Variants in PNPLA7 observed in about 807,000 individuals in gnomAD.
PNPLA7 encodes the protein patatin-like phospholipase domain-containing protein 7.
Under a neutral mutation model 161.7 loss-of-function variants are expected in PNPLA7, and 153 were observed. That is an observed-to-expected ratio of 0.95 (90% CI 0.83 to 1.08). The LOEUF is 1.08. Ranked by LOEUF, PNPLA7 falls within the 50% of genes least tolerant of loss-of-function variation. The probability of loss-of-function intolerance (pLI) is 0.00; values close to 1 mark genes in which losing one functional copy is unlikely to be tolerated. For missense variants in PNPLA7, 1,739 were observed against 1,856.6 expected, an observed-to-expected ratio of 0.94 and a Z score of 1.16; for synonymous variants, 809 against 782.1, an observed-to-expected ratio of 1.03 and a Z score of -0.57.
chr9:137,496,025 C>A (rs1378171542), intron 18 of PNPLA7, among the ~76,000 whole-genome samples: 1 of 152,162 alleles, frequency 6.6e-6, no homozygotes, highest in African/African-American at 2.4e-5. Context: ...AAACACGGAG[C>A]AACACGGCAC....
At position 137,497,232 on chromosome 9, in the gene PNPLA7, C is replaced by T. The variant is rs774052737; in HGVS notation, c.1968G>A (p.Lys656=). The T allele has an allele frequency of 8.8e-6, 14 of 1,591,218 alleles. No homozygotes were observed. The South Asian group carries it at 1.4e-4, about 16-fold the overall frequency. The change falls in exon 18 of 35, where the codon AAG becomes AAA. Residue 656 remains lysine (K), a synonymous_variant. Coordinates refer to ENST00000406427, the MANE Select transcript of PNPLA7 (RefSeq NM_001098537.3). The part of the protein sequence containing the change: ...LRSVIRKDDG[K]KRLAGEYGRG... ...GGCCGTACTCCCCGGCCAGGCGCTT[C>T]TTCCCATCATCCTTCCGGATCACAG...
chr9:137,539,391 G>T (rs1443013490), intron 8 of PNPLA7, among the ~76,000 whole-genome samples: 4 of 152,114 alleles, frequency 2.6e-5, no homozygotes, highest in Admixed American at 2.0e-4. Context: ...CTAGTTAATG[G>T]CTTGGCATGA....
rs992094314 is a variant in PNPLA7 at position 137,490,155 on chromosome 9, G to A, written c.2197+2858C>T. ...GTTGACCAGGCTGGACTGCGGTGGC[G>A]CGATCATAGCTCACTGTAACCTCGA... On this transcript the variant is annotated intron_variant, in intron 20 of 34. Transcript: ENST00000406427. This position sits in a 1 kb window ranked among gnomAD's most constrained non-coding sequence, Gnocchi z 4.1. Among the ~76,000 whole-genome samples the A allele has an allele frequency of 3.3e-5, 5 of 152,148 alleles. No homozygotes were observed. Among genetic ancestry groups the A allele is most frequent in the South Asian group, 4.1e-4 (2 of 4,828 alleles).
chr9:137,464,265 C>T, intron 27 of PNPLA7, 70 bp from the exon 28 acceptor site: 1 of 1,608,210 alleles, frequency 6.2e-7, no homozygotes, highest in Non-Finnish European at 8.5e-7. Context: ...GGAGGCTGAC[C>T]CAGGGCCAAG....
intron 12 of PNPLA7, among the ~76,000 whole-genome samples, chr9:137,508,460 C>A (rs1021902537): frequency 2.0e-5 from 3 of 151,698 alleles, no homozygotes; most frequent in African/African-American, 7.3e-5. Context: ...AACAGCTACT[C>A]GGCGGCTGAG....
Position 137,524,830 on chromosome 9 carries a change from C to T in PNPLA7, c.748-1973G>A, listed in dbSNP as rs1478892152. ...CCCGTGGAATGAGTTTCCGTGGATG[C>T]CCCGTGGAATGAGTTTCCTTGGATG... On this transcript the variant is annotated intron_variant, in intron 8 of 34. Transcript: ENST00000406427. This position sits in a 1 kb window ranked among gnomAD's most constrained non-coding sequence, Gnocchi z 4.4. Among the ~76,000 whole-genome samples, 1 of 148,668 alleles carries T rather than the reference C, an allele frequency of 6.7e-6. No homozygotes were observed.
chr9:137,518,388 C>A (rs1834760698), intron 11 of PNPLA7, among the ~76,000 whole-genome samples: 1 of 86,266 alleles, frequency 1.2e-5, no homozygotes, highest in Non-Finnish European at 2.3e-5. Context: ...TCCACTCCAT[C>A]CCTCACTCAC....
Position 137,540,809 on chromosome 9 carries a change from G to T in PNPLA7, c.667-87C>A. 1.7e-6 allele frequency: 2 copies of T among 1,210,614 alleles called. No individual in the cohort carries two copies. Among genetic ancestry groups the T allele is most frequent in the Non-Finnish European group, 1.2e-6 (1 of 847,172 alleles). 75.0% of individuals were successfully genotyped at this position (1,210,614 alleles called of 1,614,324 possible). The stretch of plus-strand genomic sequence containing the variant: ...GAGGCTCAGCCCAGCCCAGGGCAGT[G>T]GGGCCACGGGCCTGCACCTCTGAGG... On this transcript the variant is annotated intron_variant, in intron 7 of 34. Transcript: ENST00000406427. This position sits in a 1 kb window ranked among gnomAD's most constrained non-coding sequence, Gnocchi z 5.1.
chr9:137,492,683 C>A (rs1832833202), intron 20 of PNPLA7, among the ~76,000 whole-genome samples: 1 of 145,356 alleles, frequency 6.9e-6, no homozygotes, highest in African/African-American at 2.6e-5. Flanking sequence ...GGGTGAGGCT[C>A]CAGGATGGGG....
intron 23 of PNPLA7, chr9:137,479,501 AT>A: frequency 8.4e-7 from 1 of 1,195,026 alleles, no homozygotes; most frequent in Non-Finnish European, 1.0e-6. Flanking sequence ...ACACTGCCTC[AT>A]AAACACACAC....
In PNPLA7 at chr9:137,461,931, C is replaced by A. The variant is rs763724637; in HGVS notation, c.3756G>T (p.Ala1252=). Residue 1252 remains alanine (A), a splice_region_variant and synonymous_variant, in exon 32 of 35, where the codon GCG becomes GCT. Transcript: ENST00000406427. ...GCGTGGTCCGGACGCCCGTACTCAC[C>A]GCACTCGCGGGCTTCTTGCTCGGCC... The part of the protein sequence containing the change: ...QQGPSKKPAS[A]VLTCPNASFT... 3.8e-6 allele frequency: 6 copies of A among 1,565,614 alleles called. No homozygotes were observed. The highest frequency in any genetic ancestry group is 5.2e-6 in the Non-Finnish European group (6 of 1,161,070).
chr9:137,515,352 G>C, intron 12 of PNPLA7, 27 bp downstream of exon 12: 1 of 1,592,616 alleles, frequency 6.3e-7, no homozygotes, highest in South Asian at 1.1e-5. Context: ...GGGTCACACT[G>C]GCTGGGCAGC....
At position 137,493,003 on chromosome 9, in the gene PNPLA7, G is replaced by A. The variant is rs193127488; in HGVS notation, c.2197+10C>T. 7.4e-4 allele frequency: 1,196 copies of A among 1,612,682 alleles called. 8 individuals carry two copies. In the African/African-American group the frequency reaches 0.014, roughly 19 times the overall value. ...TCCCAGGAGGCTCTGGGTTGGGAGAGGTGACCCACCTGTCACAGGTCCCTG... is the reference window on the plus strand; with the variant it reads ...TCCCAGGAGGCTCTGGGTTGGGAGAAGTGACCCACCTGTCACAGGTCCCTG... On this transcript the variant is annotated intron_variant, in intron 20 of 34. Transcript: ENST00000406427.
chr9:137,499,586 G>A lies in PNPLA7; in HGVS notation c.1757+1105C>T, dbSNP rs1322786888. Among the ~76,000 whole-genome samples, 3 of 152,190 alleles carry A rather than the reference G, an allele frequency of 2.0e-5. No individual in the cohort carries two copies. Among genetic ancestry groups the A allele is most frequent in the African/African-American group, 2.4e-5 (1 of 41,452 alleles). On this transcript the variant is annotated intron_variant, in intron 16 of 34. Transcript: ENST00000406427. The surrounding 1 kb of genome is among the most constrained non-coding windows in gnomAD (Gnocchi z 5.5). The stretch of plus-strand genomic sequence containing the variant: ...CTCAGTCTCCCCATCAGCACGCTGC[G>A]GTGTCAGGGCACCCGGCATCGGGAC...
chr9:137,527,021 C>T (rs1287760928), intron 8 of PNPLA7, among the ~76,000 whole-genome samples: 1 of 152,114 alleles, frequency 6.6e-6, no homozygotes, highest in African/African-American at 2.4e-5. Flanking sequence ...GTGGTCCCAG[C>T]ACTTTGGGAG....
At chr9:137,550,131 T>C (rs1030105326) in intron 1 of PNPLA7, 37 bp downstream of exon 1, 2 of 1,612,080 alleles carry the variant, frequency 1.2e-6, no homozygotes, top group African/African-American at 2.7e-5. Flanking sequence ...GCCCCCCAAC[T>C]GGGAAATCCA....
At chr9:137,539,108 C>A (rs577819787) in intron 8 of PNPLA7, among the ~76,000 whole-genome samples, 1 of 151,924 alleles carries the variant, frequency 6.6e-6, no homozygotes, top group East Asian at 1.9e-4. Flanking sequence ...AATTCCAGCA[C>A]TTTGGGAGGC....
Position 137,477,746 on chromosome 9 carries a change from C to T in PNPLA7, c.2882+288G>A, listed in dbSNP as rs558817333. The stretch of plus-strand genomic sequence containing the variant: ...GCGTGACCCACGCGCCCGGCCCAAG[C>T]AACCACTTCTAAGCAAAGACAGTCA... On this transcript the variant is annotated intron_variant, in intron 25 of 34. Transcript: ENST00000406427. Among the ~76,000 whole-genome samples the T allele has an allele frequency of 3.7e-4, 56 of 152,342 alleles. No individual in the cohort carries two copies. The South Asian group carries it at 0.011, about 29-fold the overall frequency.
chr9:137,516,699 A>C (rs1834591139), intron 11 of PNPLA7: 1 of 186,912 alleles, frequency 5.4e-6, no homozygotes, highest in Non-Finnish European at 1.0e-5. Flanking sequence ...GCGCCTGTGG[A>C]CCAAGCTACT....
Sources: allele counts gnomAD v4.1 joint callset (sites outside exome capture counted in the v4.1 genomes callset), GRCh38; gene constraint gnomAD v4.1.1; non-coding constraint Gnocchi (gnomAD v3.1); transcripts MANE v1.5; gene names NCBI Gene and HGNC (gene_info 2026-07-23, HGNC 2026-07-21).